Variants in TSPAN10 observed in about 807,000 individuals in gnomAD.
TSPAN10 encodes the protein tetraspanin 10.
Under a neutral mutation model 15.0 loss-of-function variants are expected in TSPAN10, and 11 were observed. The ratio of observed to expected loss-of-function variants is 0.73; its 90% CI spans 0.46 to 1.21. The LOEUF is 1.21. Ranked by LOEUF, TSPAN10 falls within the 50% of genes most tolerant of loss-of-function variation. The pLI, the probability that TSPAN10 is intolerant of heterozygous loss-of-function variation, is 0.00. For missense variants in TSPAN10, 486 were observed against 470.6 expected (o/e 1.03, Z -0.30); for synonymous variants, 241 against 226.2 (o/e 1.07, Z -0.59).
upstream of TSPAN10, among the ~76,000 whole-genome samples, chr17:81,639,841 G>T (rs889782211): frequency 1.3e-5 from 2 of 152,106 alleles, no homozygotes; most frequent in East Asian, 1.9e-4. Context: ...TTAGCCGGGC[G>T]TGGTGGCGGG....
chr17:81,645,322 G>A (rs1327855386), exon 2 of TSPAN10: 1 of 1,555,016 alleles, frequency 6.4e-7, no homozygotes, highest in Non-Finnish European at 8.7e-7. Flanking sequence ...CCCCATGCTG[G>A]GGCTGGCACT....
rs564229104 is a variant in TSPAN10 at position 81,647,870 on chromosome 17, G to T, written c.675-31G>T. 3.2e-6 allele frequency: 5 copies of T among 1,584,014 alleles called. No individual in the cohort carries two copies. In the East Asian group the frequency reaches 9.1e-5, roughly 29 times the overall value. ...GGTCCCAGAAGAGCGGGCCCTCCCC[G>T]CCAGAACTGACGATTCCATGCGCCT... On this transcript the variant is annotated intron_variant, in intron 2 of 2. Coordinates refer to ENST00000611590, the Ensembl canonical transcript of TSPAN10.
upstream of TSPAN10, chr17:81,637,445 C>A (rs1450007930): frequency 1.6e-6 from 1 of 640,970 alleles, no homozygotes; most frequent in Non-Finnish European, 2.7e-6. Context: ...AGGATCACAC[C>A]TTCATGTTTT....
chr17:81,645,830 T>TG, intron 2 of TSPAN10: 1 of 691,174 alleles, frequency 1.4e-6, no homozygotes, highest in Non-Finnish European at 2.5e-6. Flanking sequence ...GACACACACC[T>TG]ACACACTCCT....
chr17:81,641,984 A>T (rs568484756), upstream of TSPAN10, among the ~76,000 whole-genome samples: 1 of 152,224 alleles, frequency 6.6e-6, no homozygotes, highest in South Asian at 2.1e-4. Flanking sequence ...GTCTCTTGGG[A>T]TTGGGGTTGT....
At chr17:81,637,819 AG>A (rs1313763055), upstream of TSPAN10, 1 of 156,584 alleles carries the variant, frequency 6.4e-6, no homozygotes, top group Non-Finnish European at 1.4e-5. Flanking sequence ...CTGTAATCCC[AG>A]CTACTCGGGA....
chr17:81,645,353 C>T (rs2036232929), exon 2 of TSPAN10: 1 of 1,588,970 alleles, frequency 6.3e-7, no homozygotes, highest in Non-Finnish European at 8.5e-7. Context: ...GTGGTCAGCG[C>T]AGTGAGCCTG....
chr17:81,645,722 TACTC>T (rs1568180380), intron 2 of TSPAN10, 93 bp downstream of exon 3: 3 of 1,480,924 alleles, frequency 2.0e-6, no homozygotes, highest in Non-Finnish European at 2.8e-6. Flanking sequence ...CACACGTACA[TACTC>T]ATTCGTGCAT....
chr17:81,647,706 A>C, intron 2 of TSPAN10, 195 bp from the exon 4 acceptor site: 1 of 654,156 alleles, frequency 1.5e-6, no homozygotes, highest in Non-Finnish European at 2.7e-6. Flanking sequence ...GTGCACAGGG[A>C]TACGTTATAG....
chr17:81,643,458 A>G (rs1407470974), intron 1 of TSPAN10, among the ~76,000 whole-genome samples: 1 of 85,136 alleles, frequency 1.2e-5, no homozygotes, highest in Non-Finnish European at 2.1e-5. Flanking sequence ...AAAAATACAA[A>G]AAATTAGCCG....
At chr17:81,638,049 G>GT (rs56146108), upstream of TSPAN10, 69,332 of 151,702 alleles carry the variant, frequency 0.46, 17,322 homozygotes, top group East Asian at 0.77. Flanking sequence ...TACTGTGACA[G>GT]TTTTTTTAAA....
chr17:81,648,069 G>A (rs2036282166), exon 3 of TSPAN10: 1 of 1,591,446 alleles, frequency 6.3e-7, no homozygotes, highest in Non-Finnish European at 8.5e-7. Flanking sequence ...GCTGCGGCCC[G>A]CCGCTCCGGC....
upstream of TSPAN10, among the ~76,000 whole-genome samples, chr17:81,639,979 CAAAAA>C (rs1285964538): frequency 6.5e-5 from 8 of 123,380 alleles, no homozygotes; most frequent in East Asian, 4.4e-4. Context: ...GACTCCGTCT[CAAAAA>C]AAAAAAAAAA....
At chr17:81,643,333 C>G (rs1235904776) in intron 1 of TSPAN10, among the ~76,000 whole-genome samples, 1 of 37,578 alleles carries the variant, frequency 2.7e-5, no homozygotes, top group Non-Finnish European at 4.1e-5. Flanking sequence ...CCGGGACGGC[C>G]GGGCGCGGTG....
upstream of TSPAN10, chr17:81,642,159 G>A (rs2144375993): frequency 2.0e-6 from 1 of 494,912 alleles, no homozygotes; most frequent in Non-Finnish European, 3.6e-6. Flanking sequence ...GACCCACAGA[G>A]CCAGGGCTGG....
chr17:81,641,190 TAGAAC>T (rs2036174714), upstream of TSPAN10, among the ~76,000 whole-genome samples: 2 of 152,006 alleles, frequency 1.3e-5, no homozygotes, highest in South Asian at 2.1e-4. Flanking sequence ...TACCCATCCT[TAGAAC>T]AGACTGAGTT....
chr17:81,644,484 A>G (rs62075725), intron 1 of TSPAN10, among the ~76,000 whole-genome samples: 16,466 of 152,268 alleles, frequency 0.11, 1,028 homozygotes, highest in Middle Eastern at 0.19. Flanking sequence ...AAGGGCAGCC[A>G]TGTGGGCCAG....
chr17:81,645,648 G>T lies in TSPAN10; in HGVS notation c.674+19G>T, dbSNP rs376845352. The T allele has an allele frequency of 6.2e-7, 1 of 1,609,910 alleles. No homozygotes were observed. Among genetic ancestry groups the T allele is most frequent in the African/African-American group, 1.3e-5 (1 of 75,028 alleles). On this transcript the variant is annotated intron_variant, in intron 2 of 2. Coordinates refer to ENST00000611590, the Ensembl canonical transcript of TSPAN10. ...AGAACCTGTGAGTCTTGGAGTGGGC[G>T]AGGGACAGGGCCACCACAGGGTCGC...
At chr17:81,641,872 A>G (rs1391879964), upstream of TSPAN10, among the ~76,000 whole-genome samples, 2 of 113,168 alleles carry the variant, frequency 1.8e-5, no homozygotes, top group Non-Finnish European at 3.4e-5. Context: ...AGCGAAACTC[A>G]GTCTCAAAAA....
Sources: gnomAD v4.1 joint callset for allele counts (sites outside exome capture counted in the v4.1 genomes callset) on GRCh38, gnomAD v4.1.1 for gene constraint, MANE v1.5 for transcripts, NCBI Gene and HGNC (gene_info 2026-07-23, HGNC 2026-07-21) for gene names.